The following RAPGEF5 variants were observed in gnomAD, a reference collection of about 807,000 sequenced individuals.
RAPGEF5 encodes M-Ras-regulated GEF.
A neutral mutation model predicts 125.2 loss-of-function variants in RAPGEF5; 65 were observed. The observed-to-expected ratio is 0.52, with a 90% confidence interval of 0.43 to 0.64. The LOEUF is 0.64. Among genes scored for constraint, RAPGEF5 ranks in the 30% least tolerant of loss-of-function variants. The probability of loss-of-function intolerance (pLI) is 0.00; values close to 1 mark genes in which losing one functional copy is unlikely to be tolerated. For missense variants in RAPGEF5, 958 were observed against 1,048.1 expected (o/e 0.91, Z 1.19); for synonymous variants, 391 against 385.9 (o/e 1.01, Z -0.16).
At position 22,154,570 on chromosome 7, in the gene RAPGEF5, A is replaced by G. The variant is rs1783738823; in HGVS notation, c.1671T>C (p.Tyr557=). The G allele has an allele frequency of 1.2e-6, 2 of 1,613,858 alleles. No individual in the cohort carries two copies. Among genetic ancestry groups the G allele is most frequent in the Non-Finnish European group, 8.5e-7 (1 of 1,179,782 alleles). ...FCHVYITEHS[Y]VSVKAKVSSI... ...TGGAAACTTTTGCCTTCACACTGAC[A>G]TAGGAGTGCTCTGTTATATACACGT... Residue 557 remains tyrosine, a synonymous_variant, in exon 17 of 26, where the codon TAT becomes TAC. Transcript: ENST00000665637.
At chr7:22,240,867 G>T (rs952318790) in intron 7 of RAPGEF5, among the ~76,000 whole-genome samples, 1 of 149,402 alleles carries the variant, frequency 6.7e-6, no homozygotes, top group Admixed American at 6.7e-5. Context: ...AATTGTAAAA[G>T]ATTTATTTCA....
chr7:22,193,028 C>T, intron 11 of RAPGEF5: 1 of 344,838 alleles, frequency 2.9e-6, no homozygotes, highest in Non-Finnish European at 5.3e-6. Context: ...TAACCCTCCT[C>T]CTCCTTGTAT....
At chr7:22,259,911 C>A (rs980190652) in intron 7 of RAPGEF5, among the ~76,000 whole-genome samples, 10 of 152,176 alleles carry the variant, frequency 6.6e-5, no homozygotes, top group Non-Finnish European at 1.3e-4. Context: ...CATGGTGAAA[C>A]CCCGTCTACT....
intron 1 of RAPGEF5, among the ~76,000 whole-genome samples, chr7:22,341,604 C>T (rs372505603): frequency 1.6e-4 from 25 of 152,296 alleles, no homozygotes; most frequent in East Asian, 1.2e-3. Flanking sequence ...CTAAATACAA[C>T]GGGGGTGAAG....
At chr7:22,194,529 C>T in intron 9 of RAPGEF5, 1 of 915,412 alleles carries the variant, frequency 1.1e-6, no homozygotes, top group Non-Finnish European at 1.3e-6. Flanking sequence ...TTACTTTACA[C>T]CCTTACTTTA....
intron 12 of RAPGEF5, among the ~76,000 whole-genome samples, chr7:22,165,048 G>T (rs1326801462): frequency 6.6e-6 from 1 of 152,116 alleles, no homozygotes; most frequent in Admixed American, 6.6e-5. Context: ...CTTTGTGTTT[G>T]TGGTATTATT....
intron 1 of RAPGEF5, among the ~76,000 whole-genome samples, chr7:22,320,549 C>T (rs992267705): frequency 1.3e-5 from 2 of 152,056 alleles, no homozygotes; most frequent in Admixed American, 6.5e-5. Flanking sequence ...GCAAGAGTAC[C>T]GCAAAAGCAC....
At chr7:22,271,981 A>G (rs1452505352) in intron 6 of RAPGEF5, among the ~76,000 whole-genome samples, 6 of 152,162 alleles carry the variant, frequency 3.9e-5, no homozygotes, top group Non-Finnish European at 5.9e-5. Context: ...AGGTTAACTG[A>G]GAAGACATGA....
chr7:22,234,384 TG>T (rs1786134120), intron 7 of RAPGEF5, among the ~76,000 whole-genome samples: 1 of 152,222 alleles, frequency 6.6e-6, no homozygotes, highest in South Asian at 2.1e-4. Flanking sequence ...ATATTGATTC[TG>T]GGACAGTTCC....
At chr7:22,307,141 G>A (rs1281964739) in intron 5 of RAPGEF5, among the ~76,000 whole-genome samples, 1 of 152,114 alleles carries the variant, frequency 6.6e-6, no homozygotes, top group African/African-American at 2.4e-5. Flanking sequence ...ATTGCTTTGG[G>A]TAATATGGAT....
chr7:22,267,118 A>G, intron 6 of RAPGEF5, 106 bp from the exon 7 acceptor site: 1 of 1,111,246 alleles, frequency 9.0e-7, no homozygotes, highest in East Asian at 2.6e-5. Context: ...AGCTGTTTCA[A>G]TTAAACCTAA....
chr7:22,264,480 A>G (rs911261858), intron 7 of RAPGEF5, among the ~76,000 whole-genome samples: 7 of 152,194 alleles, frequency 4.6e-5, no homozygotes, highest in Non-Finnish European at 1.0e-4. Context: ...ACATTATGCA[A>G]TCTAACATGT....
chr7:22,210,660 C>T (rs942441834), intron 9 of RAPGEF5, among the ~76,000 whole-genome samples: 20 of 152,128 alleles, frequency 1.3e-4, no homozygotes, highest in African/African-American at 4.3e-4. Flanking sequence ...CTCACTTTGC[C>T]TCAGTCGTGC....
intron 6 of RAPGEF5, among the ~76,000 whole-genome samples, chr7:22,288,896 T>C (rs951098471): frequency 5.9e-5 from 9 of 152,222 alleles, no homozygotes; most frequent in African/African-American, 1.2e-4. Context: ...TTTCATCACA[T>C]TAATCTGTTG....
chr7:22,265,315 A>G (rs1238688967), intron 7 of RAPGEF5, among the ~76,000 whole-genome samples: 1 of 152,120 alleles, frequency 6.6e-6, no homozygotes, highest in Non-Finnish European at 1.5e-5. Context: ...TCTCAATGAG[A>G]TCAACTTTTC....
At chr7:22,221,659 C>T (rs1489152605) in intron 8 of RAPGEF5, among the ~76,000 whole-genome samples, 1 of 152,092 alleles carries the variant, frequency 6.6e-6, no homozygotes, top group African/African-American at 2.4e-5. Flanking sequence ...GGGGAGCTCC[C>T]CTGCACAAGC....
intron 7 of RAPGEF5, among the ~76,000 whole-genome samples, chr7:22,253,468 G>T (rs1786674229): frequency 6.6e-6 from 1 of 152,160 alleles, no homozygotes. Context: ...TTGAGAGGCT[G>T]TGAAAGTCTT....
At chr7:22,141,965 G>C (rs565383532) in intron 20 of RAPGEF5, among the ~76,000 whole-genome samples, 17 of 152,280 alleles carry the variant, frequency 1.1e-4, no homozygotes, top group African/African-American at 4.1e-4. Context: ...CCTTCATCCT[G>C]CTGTTCACTT....
intron 9 of RAPGEF5, among the ~76,000 whole-genome samples, chr7:22,204,411 T>G (rs1290957184): frequency 6.6e-6 from 1 of 152,190 alleles, no homozygotes; most frequent in Non-Finnish European, 1.5e-5. Flanking sequence ...TTCCTGTGCG[T>G]GTGTGTCAAT....
Sources: gnomAD v4.1 joint callset for allele counts (sites outside exome capture counted in the v4.1 genomes callset) on GRCh38, gnomAD v4.1.1 for gene constraint, MANE v1.5 for transcripts, NCBI Gene and HGNC (gene_info 2026-07-23, HGNC 2026-07-21) for gene names.